NLGN1: variants seen among roughly 807,000 people sequenced by gnomAD.
NLGN1 encodes neuroligin-1.
Under a neutral mutation model 65.5 loss-of-function variants are expected in NLGN1, and 12 were observed. The ratio of observed to expected loss-of-function variants is 0.18; its 90% CI spans 0.12 to 0.30. The LOEUF is 0.30. NLGN1 is among the 10% of genes least tolerant of loss of function. The probability of loss-of-function intolerance (pLI) is 1.00; values close to 1 mark genes in which losing one functional copy is unlikely to be tolerated. For missense variants in NLGN1, 750 were observed against 1,007.1 expected (o/e 0.74, Z 3.46); for synonymous variants, 350 against 359.5 (o/e 0.97, Z 0.30).
At position 174,076,714 on chromosome 3, in the gene NLGN1, AGAGAGAGAGAGTGT is replaced by A. The variant is rs1177589926; in HGVS notation, c.647-198599_647-198586del. Among the ~76,000 whole-genome samples, 942 of 135,280 alleles carry A rather than the reference AGAGAGAGAGAGTGT, an allele frequency of 7.0e-3. 9 individuals are homozygous for A. Among genetic ancestry groups the A allele is most frequent in the African/African-American group, 0.026 (866 of 33,530 alleles). 88.7% of individuals were successfully genotyped at this position (135,280 alleles called of 152,430 possible). On this transcript the variant is annotated intron_variant, in intron 4 of 6. Coordinates refer to ENST00000457714, the Ensembl canonical transcript of NLGN1. ...GAGAGAGAGAGAGAGAGAGAGAGAG[AGAGAGAGAGAGTGT>A]GTGTGTGTGTGTGTGTGTGTGTGTG...
chr3:173,937,318 AT>A (rs1745239151), intron 4 of NLGN1, among the ~76,000 whole-genome samples: 1 of 152,084 alleles, frequency 6.6e-6, no homozygotes, highest in Admixed American at 6.6e-5. Context: ...TTATGAAATA[AT>A]TCACCCATCA....
At chr3:174,053,072 TATC>T (rs1560929189) in intron 4 of NLGN1, among the ~76,000 whole-genome samples, 5 of 151,996 alleles carry the variant, frequency 3.3e-5, no homozygotes, top group African/African-American at 1.2e-4. Context: ...TACTTAGAGT[TATC>T]ATATTGTCAG....
At chr3:174,146,070 A>T (rs1354633602) in intron 4 of NLGN1, among the ~76,000 whole-genome samples, 1 of 151,934 alleles carries the variant, frequency 6.6e-6, no homozygotes, top group African/African-American at 2.4e-5. Context: ...ACCTTAATAT[A>T]ACCTATTAAT....
In NLGN1 at chr3:173,443,798, A is replaced by G. The variant is rs941602045; in HGVS notation, c.-321+8720A>G. Among the ~76,000 whole-genome samples the G allele has an allele frequency of 5.3e-5, 8 of 152,316 alleles. No individual in the cohort carries two copies. The South Asian group carries it at 6.2e-4, about 12-fold the overall frequency. ...ATAACCGTTAATATTGAAAATTGTAATGCTGTAAAGAACTTGAAGGAATCA... is the reference window on the plus strand; with the variant it reads ...ATAACCGTTAATATTGAAAATTGTAGTGCTGTAAAGAACTTGAAGGAATCA... On this transcript the variant is annotated intron_variant, in intron 2 of 6. Transcript: ENST00000457714.
At chr3:173,399,323 TTC>T (rs1717216058) in intron 1 of NLGN1, among the ~76,000 whole-genome samples, 2 of 152,238 alleles carry the variant, frequency 1.3e-5, no homozygotes, top group African/African-American at 4.8e-5. Context: ...TTTCAGCAGA[TTC>T]TACTAGAGTT....
intron 4 of NLGN1, among the ~76,000 whole-genome samples, chr3:174,259,083 A>T (rs1746345390): frequency 6.6e-6 from 1 of 152,166 alleles, no homozygotes; most frequent in Admixed American, 6.6e-5. Context: ...TTTCCTAGTC[A>T]TTCATTAGGG....
intron 4 of NLGN1, among the ~76,000 whole-genome samples, chr3:174,199,311 A>C (rs145191697): frequency 2.2e-4 from 34 of 151,916 alleles, no homozygotes; most frequent in African/African-American, 8.0e-4. Context: ...TGATGATTTA[A>C]TAAAACATAA....
At chr3:173,935,952 A>C (rs948679687) in intron 4 of NLGN1, among the ~76,000 whole-genome samples, 9 of 152,064 alleles carry the variant, frequency 5.9e-5, no homozygotes, top group Non-Finnish European at 1.2e-4. Flanking sequence ...CCTACAGCAA[A>C]AGCTGTTCTG....
At chr3:173,676,641 ATATAT>A (rs1763208456) in intron 3 of NLGN1, among the ~76,000 whole-genome samples, 1 of 152,098 alleles carries the variant, frequency 6.6e-6, no homozygotes, top group Non-Finnish European at 1.5e-5. Context: ...TTTATTTTAA[ATATAT>A]TGTATTCTAA....
At chr3:174,235,305 T>G (rs1741512939) in intron 4 of NLGN1, among the ~76,000 whole-genome samples, 2 of 152,088 alleles carry the variant, frequency 1.3e-5, no homozygotes. Flanking sequence ...TCTTACCATC[T>G]CTCTTCTCCT....
chr3:173,500,545 A>G (rs1730902790), intron 2 of NLGN1, among the ~76,000 whole-genome samples: 1 of 152,088 alleles, frequency 6.6e-6, no homozygotes, highest in South Asian at 2.1e-4. Context: ...AGGCTTTGGT[A>G]TCAGGATAAT....
At chr3:173,575,032 A>G (rs1300296919) in intron 2 of NLGN1, among the ~76,000 whole-genome samples, 1 of 152,044 alleles carries the variant, frequency 6.6e-6, no homozygotes. Context: ...CCACAGTCTC[A>G]TGCCACCATG....
chr3:174,079,643 A>G (rs760661286), intron 4 of NLGN1, among the ~76,000 whole-genome samples: 2 of 152,236 alleles, frequency 1.3e-5, no homozygotes, highest in Non-Finnish European at 2.9e-5. Flanking sequence ...CTAAATGCCC[A>G]TCAATGGTAG....
At chr3:173,448,766 C>T (rs928038545) in intron 2 of NLGN1, among the ~76,000 whole-genome samples, 7 of 152,098 alleles carry the variant, frequency 4.6e-5, no homozygotes, top group African/African-American at 1.7e-4. Context: ...TTCAGAGATT[C>T]AACTTCTTCC....
chr3:174,274,607 T>TATG (rs1750171025), intron 4 of NLGN1, among the ~76,000 whole-genome samples: 1 of 151,492 alleles, frequency 6.6e-6, no homozygotes, highest in Non-Finnish European at 1.5e-5. Context: ...TCCAGAAATA[T>TATG]ATGTCTGAAC....
At chr3:174,136,548 C>A (rs928868529) in intron 4 of NLGN1, 14 of 151,924 alleles carry the variant, frequency 9.2e-5, no homozygotes, top group African/African-American at 3.4e-4. Context: ...ACCTGATTAC[C>A]AAGAGGAAGC....
chr3:173,830,007 T>TCGGGGGCGGGGG (rs1553863519), intron 4 of NLGN1, among the ~76,000 whole-genome samples: 8 of 128,640 alleles, frequency 6.2e-5, no homozygotes, highest in African/African-American at 2.5e-4. Flanking sequence ...GTGGGTAGTG[T>TCGGGGGCGGGGG]GGGGGGGGGA....
intron 3 of NLGN1, among the ~76,000 whole-genome samples, chr3:173,774,986 A>G (rs1036551416): frequency 1.3e-5 from 2 of 152,142 alleles, no homozygotes; most frequent in Admixed American, 6.6e-5. Context: ...ATACATTATA[A>G]TTGAATCTTC....
intron 2 of NLGN1, among the ~76,000 whole-genome samples, chr3:173,515,781 A>G (rs570132102): frequency 1.3e-5 from 2 of 152,000 alleles, no homozygotes; most frequent in Admixed American, 1.3e-4. Flanking sequence ...TTAGTTTTTA[A>G]TATTTTATTT....
Sources: allele counts gnomAD v4.1 joint callset (sites outside exome capture counted in the v4.1 genomes callset), GRCh38; gene constraint gnomAD v4.1.1; transcripts MANE v1.5; gene names NCBI Gene and HGNC (gene_info 2026-07-23, HGNC 2026-07-21).